Variants in WWOX observed in about 807,000 individuals in gnomAD.
WWOX encodes WW domain-containing oxidoreductase.
A neutral mutation model predicts 46.2 loss-of-function variants in WWOX; 69 were observed. The ratio of observed to expected loss-of-function variants is 1.49; its 90% CI spans 1.23 to 1.82. The LOEUF (loss-of-function observed/expected upper bound fraction) is 1.82. Ranked by LOEUF, WWOX falls within the 40% of genes most tolerant of loss-of-function variation. The pLI is 0.00. For missense variants in WWOX, 919 were observed against 542.6 expected (o/e 1.69, Z -6.89); for synonymous variants, 359 against 202.6 (o/e 1.77, Z -6.56).
intron 8 of WWOX, among the ~76,000 whole-genome samples, chr16:79,156,256 G>A (rs1336455153): frequency 2.0e-5 from 3 of 152,134 alleles, no homozygotes; most frequent in African/African-American, 7.2e-5. Context: ...TTGCATCCTG[G>A]GCTCAAGCAA....
At chr16:78,173,043 C>G (rs1292334949) in intron 5 of WWOX, among the ~76,000 whole-genome samples, 1 of 152,196 alleles carries the variant, frequency 6.6e-6, no homozygotes, top group Non-Finnish European at 1.5e-5. Context: ...TAAAACTTCC[C>G]TACGCAAGGA....
intron 8 of WWOX, among the ~76,000 whole-genome samples, chr16:78,760,332 T>C (rs1391704415): frequency 6.6e-6 from 1 of 152,232 alleles, no homozygotes; most frequent in Non-Finnish European, 1.5e-5. Context: ...GTGGGAATTA[T>C]GGGAGCTACA....
intron 8 of WWOX, among the ~76,000 whole-genome samples, chr16:79,120,154 G>A (rs971015196): frequency 1.3e-5 from 2 of 152,220 alleles, no homozygotes; most frequent in African/African-American, 2.4e-5. Context: ...AAAACTCAGG[G>A]ACTGGATTTT....
intron 5 of WWOX, among the ~76,000 whole-genome samples, chr16:78,267,992 T>G (rs1001960553): frequency 4.6e-5 from 7 of 152,088 alleles, no homozygotes; most frequent in Non-Finnish European, 8.8e-5. Context: ...TAAGTTTTTG[T>G]ACTTTTAGTA....
intron 8 of WWOX, among the ~76,000 whole-genome samples, chr16:78,688,826 A>C (rs961228315): frequency 2.0e-5 from 3 of 152,046 alleles, no homozygotes; most frequent in African/African-American, 4.8e-5. Context: ...ACCCAGTGGG[A>C]GGTGATTGAA....
intron 8 of WWOX, among the ~76,000 whole-genome samples, chr16:78,744,293 A>AGGTGTGTC (rs1314430053): frequency 6.6e-6 from 1 of 152,164 alleles, no homozygotes; most frequent in Non-Finnish European, 1.5e-5. Context: ...TATAACTGCA[A>AGGTGTGTC]GGTGTGTCTC....
chr16:78,982,098 G>T (rs1043969899), intron 8 of WWOX, among the ~76,000 whole-genome samples: 3 of 151,614 alleles, frequency 2.0e-5, no homozygotes, highest in African/African-American at 7.3e-5. Context: ...CTGGGGATGG[G>T]CTAAACTCCG....
chr16:78,288,730 C>T (rs2079811324), intron 5 of WWOX, among the ~76,000 whole-genome samples: 1 of 152,074 alleles, frequency 6.6e-6, no homozygotes, highest in Non-Finnish European at 1.5e-5. Flanking sequence ...TTATCGGAAC[C>T]TCCTTTTATT....
At chr16:78,438,660 C>T (rs529801336) in intron 8 of WWOX, among the ~76,000 whole-genome samples, 1 of 152,188 alleles carries the variant, frequency 6.6e-6, no homozygotes, top group African/African-American at 2.4e-5. Context: ...GTAGCAAGAG[C>T]TTAGCAGATG....
intron 8 of WWOX, among the ~76,000 whole-genome samples, chr16:78,515,698 A>C (rs964075447): frequency 1.3e-5 from 2 of 152,066 alleles, no homozygotes; most frequent in African/African-American, 4.8e-5. Context: ...CTGCCTTTTC[A>C]CCTGCCAGAC....
At chr16:78,379,690 T>C (rs184404033) in intron 5 of WWOX, among the ~76,000 whole-genome samples, 39 of 152,304 alleles carry the variant, frequency 2.6e-4, no homozygotes, top group Non-Finnish European at 1.5e-5. Context: ...TTGGGTTCAC[T>C]ATGGCGAGAA....
intron 8 of WWOX, among the ~76,000 whole-genome samples, chr16:79,046,940 T>C (rs114997638): frequency 0.014 from 2,092 of 152,194 alleles, 50 homozygotes; most frequent in African/African-American, 0.048. Flanking sequence ...CAACTCATTA[T>C]CTCCCTTCCA....
chr16:78,364,377 T>C (rs1370268555), intron 5 of WWOX, among the ~76,000 whole-genome samples: 1 of 152,316 alleles, frequency 6.6e-6, no homozygotes, highest in East Asian at 1.9e-4. Flanking sequence ...GGTTCTGATT[T>C]ATTAACCATT....
intron 8 of WWOX, among the ~76,000 whole-genome samples, chr16:79,060,374 A>G (rs938970386): frequency 2.0e-4 from 31 of 152,180 alleles, no homozygotes; most frequent in African/African-American, 7.2e-4. Flanking sequence ...CTGGCCGTTA[A>G]TTGGTAAGGT....
At chr16:78,299,220 G>A (rs1189248600) in intron 5 of WWOX, among the ~76,000 whole-genome samples, 2 of 152,158 alleles carry the variant, frequency 1.3e-5, no homozygotes, top group East Asian at 1.9e-4. Context: ...CTATTACTCA[G>A]TGGGTGCCGT....
intron 8 of WWOX, among the ~76,000 whole-genome samples, chr16:78,900,276 A>T (rs1269434951): frequency 6.6e-6 from 1 of 152,120 alleles, no homozygotes; most frequent in Non-Finnish European, 1.5e-5. Context: ...CTGAAGGGGA[A>T]AGTTTCCAGC....
At chr16:78,965,302 C>T (rs2046344126) in intron 8 of WWOX, among the ~76,000 whole-genome samples, 1 of 152,168 alleles carries the variant, frequency 6.6e-6, no homozygotes, top group Non-Finnish European at 1.5e-5. Flanking sequence ...GACACGGTGG[C>T]TCATGCCTAT....
intron 5 of WWOX, among the ~76,000 whole-genome samples, chr16:78,312,036 C>G (rs1597467783): frequency 1.3e-5 from 2 of 152,220 alleles, no homozygotes; most frequent in East Asian, 1.9e-4. Flanking sequence ...TTTCGGTCAC[C>G]TTCCAGCCAG....
At chr16:78,219,359 G>T (rs973524109) in intron 5 of WWOX, among the ~76,000 whole-genome samples, 3 of 152,162 alleles carry the variant, frequency 2.0e-5, no homozygotes, top group Admixed American at 6.5e-5. Context: ...AGAAAAAGTC[G>T]TAGGTTATGA....
Sources: gnomAD v4.1 joint callset for allele counts (sites outside exome capture counted in the v4.1 genomes callset) on GRCh38, gnomAD v4.1.1 for gene constraint, MANE v1.5 for transcripts, NCBI Gene and HGNC (gene_info 2026-07-23, HGNC 2026-07-21) for gene names.